Variants in PPP2R5E observed in about 807,000 individuals in gnomAD.
PPP2R5E encodes the protein serine/threonine-protein phosphatase 2A 56 kDa regulatory subunit epsilon isoform.
Under a neutral mutation model 65.3 loss-of-function variants are expected in PPP2R5E, and 4 were observed. The ratio of observed to expected loss-of-function variants is 0.06; its 90% CI spans 0.03 to 0.14. The LOEUF (loss-of-function observed/expected upper bound fraction) is 0.14. Ranked by LOEUF, PPP2R5E falls within the 10% of genes least tolerant of loss-of-function variation. The probability of loss-of-function intolerance (pLI) is 1.00; values close to 1 mark genes in which losing one functional copy is unlikely to be tolerated. For synonymous variants in PPP2R5E, 183 were observed against 187.4 expected, an observed-to-expected ratio of 0.98 and a Z score of 0.19; for missense variants, 274 against 556.1, an observed-to-expected ratio of 0.49 and a Z score of 5.10.
intron 2 of PPP2R5E, among the ~76,000 whole-genome samples, chr14:63,537,132 C>T (rs994601338): frequency 2.6e-5 from 4 of 152,110 alleles, no homozygotes; most frequent in African/African-American, 9.7e-5. Context: ...TTTCACTACC[C>T]ACAAAACCAA....
intron 2 of PPP2R5E, among the ~76,000 whole-genome samples, chr14:63,503,640 T>C (rs1439536181): frequency 6.6e-6 from 1 of 152,254 alleles, no homozygotes; most frequent in East Asian, 1.9e-4. Context: ...TTAGATGTTC[T>C]GTTTCAATAC....
intron 7 of PPP2R5E, among the ~76,000 whole-genome samples, 191 bp from the exon 8 acceptor site, chr14:63,394,119 T>C (rs1264737020): frequency 2.1e-5 from 3 of 145,838 alleles, no homozygotes; most frequent in Non-Finnish European, 4.5e-5. Flanking sequence ...TCTTGCTCTA[T>C]TGCCCAGGCT....
intron 2 of PPP2R5E, among the ~76,000 whole-genome samples, chr14:63,483,765 G>T (rs1463052890): frequency 1.3e-5 from 2 of 152,084 alleles, no homozygotes; most frequent in African/African-American, 2.4e-5. Flanking sequence ...GCCGAGATGG[G>T]GGAAGGAGAG....
chr14:63,503,732 C>T (rs889652766), intron 2 of PPP2R5E, among the ~76,000 whole-genome samples: 6 of 152,076 alleles, frequency 3.9e-5, no homozygotes, highest in African/African-American at 1.4e-4. Flanking sequence ...CATTAATAAC[C>T]TGTCTTCTCT....
chr14:63,461,521 C>T (rs1368685407), intron 2 of PPP2R5E, among the ~76,000 whole-genome samples: 1 of 151,912 alleles, frequency 6.6e-6, no homozygotes, highest in Non-Finnish European at 1.5e-5. Flanking sequence ...TGGTGCTGGG[C>T]ACGTTGGCTC....
At chr14:63,474,281 C>T (rs977755261) in intron 2 of PPP2R5E, among the ~76,000 whole-genome samples, 5 of 152,124 alleles carry the variant, frequency 3.3e-5, no homozygotes, top group African/African-American at 4.8e-5. Flanking sequence ...AAAGGTGACT[C>T]TTGGCACTTG....
At chr14:63,433,451 A>G (rs1291527189) in intron 3 of PPP2R5E, among the ~76,000 whole-genome samples, 1 of 152,044 alleles carries the variant, frequency 6.6e-6, no homozygotes, top group Non-Finnish European at 1.5e-5. Flanking sequence ...CCCTCCCTCC[A>G]GAACTCCCTT....
chr14:63,403,715 G>C lies in PPP2R5E; in HGVS notation c.550-6999C>G, dbSNP rs1885901629. 2.7e-5 allele frequency among the ~76,000 whole-genome samples: 4 copies of C among 150,402 alleles called. No homozygotes were observed. The South Asian group carries it at 8.3e-4, about 31-fold the overall frequency. On this transcript the variant is annotated intron_variant, in intron 5 of 13. Coordinates refer to ENST00000337537, the MANE Select transcript of PPP2R5E (RefSeq NM_006246.5). ...GAAGGGCTGTATGGTTACTCTCAGA[G>C]AATTAAAGCACACACTAGTGATGAA... is the stretch of plus-strand genomic sequence containing the variant.
chr14:63,400,075 T>C (rs1885658989), intron 5 of PPP2R5E, among the ~76,000 whole-genome samples: 1 of 152,176 alleles, frequency 6.6e-6, no homozygotes, highest in African/African-American at 2.4e-5. Flanking sequence ...AGGACACAAT[T>C]TTTAGCTACA....
rs945548105 is a variant in PPP2R5E at position 63,372,378 on chromosome 14, G to A, written c.*3631C>T. On this transcript the variant is annotated 3_prime_UTR_variant, in exon 14 of 14. Coordinates refer to ENST00000337537, the MANE Select transcript of PPP2R5E (RefSeq NM_006246.5). ...GTGGCTCATTCCTTAACTCCACTCA[G>A]AGAAGCAGCTGAGCCAGAATACAAA... The A allele has an allele frequency of 6.6e-6, 1 of 152,134 alleles. No individual in the cohort carries two copies. The highest frequency in any genetic ancestry group is 1.5e-5 in the Non-Finnish European group (1 of 68,020). The allele number at this position is 152,134 out of a possible 1,614,324, so 9.4% of individuals were successfully genotyped here.
intron 11 of PPP2R5E, among the ~76,000 whole-genome samples, chr14:63,387,070 A>G (rs547138148): frequency 9.9e-5 from 15 of 152,200 alleles, no homozygotes; most frequent in Non-Finnish European, 2.1e-4. Flanking sequence ...TTTGGGAATC[A>G]TCAAAGCAAA....
At chr14:63,457,072 A>G (rs2139492312) in intron 2 of PPP2R5E, among the ~76,000 whole-genome samples, 1 of 152,330 alleles carries the variant, frequency 6.6e-6, no homozygotes, top group East Asian at 1.9e-4. Flanking sequence ...TTGAAGGATG[A>G]CCAGTCCAAA....
intron 3 of PPP2R5E, among the ~76,000 whole-genome samples, chr14:63,431,057 C>G (rs1887642392): frequency 6.6e-6 from 1 of 152,108 alleles, no homozygotes; most frequent in Non-Finnish European, 1.5e-5. Flanking sequence ...ATCACAAGAT[C>G]AAGAAATCGA....
At chr14:63,458,552 T>C (rs1296346913) in intron 2 of PPP2R5E, among the ~76,000 whole-genome samples, 2 of 152,096 alleles carry the variant, frequency 1.3e-5, no homozygotes, top group East Asian at 1.9e-4. Flanking sequence ...GCCAAGTAAA[T>C]AAAGGAGGCC....
At position 63,543,261 on chromosome 14, in the gene PPP2R5E, G is replaced by C. The variant is rs968107931; in HGVS notation, c.-490C>G. On this transcript the variant is annotated 5_prime_UTR_variant, in exon 1 of 14. Transcript: ENST00000337537. ...GCAGGAGCTGGAGCCGCCGCTGCCA[G>C]AGCCACCTTTCGCTACCCGCGGTGG... 5 of 153,592 alleles carry C rather than the reference G, an allele frequency of 3.3e-5. No individual in the cohort carries two copies. Among genetic ancestry groups the C allele is most frequent in the Admixed American group, 6.5e-5 (1 of 15,280 alleles). 9.5% of individuals were successfully genotyped at this position (153,592 alleles called of 1,614,324 possible).
Position 63,441,532 on chromosome 14 carries a change from C to T in PPP2R5E, c.354+12157G>A, listed in dbSNP as rs187454217. Among the ~76,000 whole-genome samples the T allele has an allele frequency of 5.9e-5, 9 of 152,386 alleles. No individual in the cohort carries two copies. The East Asian group carries it at 1.5e-3, about 26-fold the overall frequency. ...ATCCAGCATAGATATTTAGTGCACA[C>T]AGGGTAAAATCGCGCTTAAACCATT... On this transcript the variant is annotated intron_variant, in intron 3 of 13. Transcript: ENST00000337537.
chr14:63,426,254 A>T (rs1003756636), intron 3 of PPP2R5E, among the ~76,000 whole-genome samples: 8 of 152,234 alleles, frequency 5.3e-5, no homozygotes, highest in African/African-American at 1.4e-4. Context: ...CTGAGAAACT[A>T]ATCCAAGACA....
At chr14:63,396,484 AAAGAG>A in intron 6 of PPP2R5E, 97 bp downstream of exon 6, 3 of 1,426,278 alleles carry the variant, frequency 2.1e-6, no homozygotes, top group Non-Finnish European at 2.8e-6. Context: ...AGAAAGGGAG[AAAGAG>A]AAGTCAGTAC....
In PPP2R5E at chr14:63,372,683, CT is replaced by C. The variant is rs1379575747; in HGVS notation, c.*3325del. On this transcript the variant is annotated 3_prime_UTR_variant, in exon 14 of 14. Transcript: ENST00000337537. Reference sequence around the variant, plus strand: ...TCATCCCCACAAAAAAATAAAAAAGCTTTTAAAGCTCTAAATATACTTTTTT... The same window carrying C: ...TCATCCCCACAAAAAAATAAAAAAGCTTTAAAGCTCTAAATATACTTTTTT... 6 of 152,230 alleles carry C rather than the reference CT, an allele frequency of 3.9e-5. No individual in the cohort carries two copies. The highest frequency in any genetic ancestry group is 1.4e-4 in the African/African-American group (6 of 41,542). The allele number at this position is 152,230 out of a possible 1,614,324, so 9.4% of individuals were successfully genotyped here.
Sources: allele counts gnomAD v4.1 joint callset (sites outside exome capture counted in the v4.1 genomes callset), GRCh38; gene constraint gnomAD v4.1.1; transcripts MANE v1.5; gene names NCBI Gene and HGNC (gene_info 2026-07-23, HGNC 2026-07-21).